Variants in ADAMTSL1 observed in about 807,000 individuals in gnomAD.
ADAMTSL1 encodes ADAMTS-like protein 1.
A neutral mutation model predicts 201.8 loss-of-function variants in ADAMTSL1; 126 were observed. The observed-to-expected ratio is 0.62, with a 90% confidence interval of 0.54 to 0.72. The LOEUF (loss-of-function observed/expected upper bound fraction) is 0.72, where lower values mean the gene tolerates loss of function less well. ADAMTSL1 is among the 30% of genes least tolerant of loss of function. The probability of loss-of-function intolerance (pLI) is 0.00; values close to 1 mark genes in which losing one functional copy is unlikely to be tolerated. For missense variants in ADAMTSL1, 2,679 were observed against 2,277.8 expected, an observed-to-expected ratio of 1.18 and a Z score of -3.59; for synonymous variants, 1,121 against 903.4, an observed-to-expected ratio of 1.24 and a Z score of -4.32.
rs745666705 is a variant in ADAMTSL1, at chr9:18,905,793, T to G, written c.4863T>G (p.Pro1621=). Residue 1621 remains proline (P), a synonymous_variant, in exon 27 of 29, where the codon CCT becomes CCG. Coordinates refer to ENST00000380548, the MANE Select transcript of ADAMTSL1 (RefSeq NM_001040272.6). ...AFSSWGQCNG[P]CIGPHLAVQH... is the part of the protein sequence containing the mutation. ...TTTCTGCTTTCCAGTGCAATGGGCC[T>G]TGCATCGGGCCTCACCTAGCTGTGC... is the stretch of plus-strand genomic sequence containing the variant. 22 of 1,613,036 alleles carry G rather than the reference T, an allele frequency of 1.4e-5. No homozygotes were observed. Among genetic ancestry groups the G allele is most frequent in the Non-Finnish European group, 1.9e-5 (22 of 1,179,590 alleles).
intron 1 of ADAMTSL1, among the ~76,000 whole-genome samples, chr9:17,977,280 A>AT (rs1290785490): frequency 2.0e-5 from 3 of 151,850 alleles, no homozygotes; most frequent in African/African-American, 7.3e-5. Context: ...TTGGCCTATG[A>AT]TTTTCTTTTC....
intron 3 of ADAMTSL1, among the ~76,000 whole-genome samples, chr9:18,558,123 T>C (rs574534880): frequency 6.6e-6 from 1 of 152,262 alleles, no homozygotes; most frequent in Admixed American, 6.5e-5. Flanking sequence ...ACCCATCATC[T>C]ACATTAGTTA....
intron 19 of ADAMTSL1, among the ~76,000 whole-genome samples, chr9:18,779,060 T>A (rs1415473186): frequency 6.6e-6 from 1 of 152,228 alleles, no homozygotes; most frequent in Non-Finnish European, 1.5e-5. Flanking sequence ...CTATGCCAAG[T>A]TTATTTATAA....
intron 2 of ADAMTSL1, among the ~76,000 whole-genome samples, chr9:18,417,367 G>GAAAAAAAAAAAAAAAAAAAAAAAAA (rs80226819): frequency 6.2e-5 from 4 of 64,676 alleles, no homozygotes; most frequent in Non-Finnish European, 9.5e-5. Flanking sequence ...AAGTAAGCAG[G>GAAAAAAAAAAAAAAAAAAAAAAAAA]AAAAAAAAAA....
chr9:18,781,485 A>G (rs569624838), intron 19 of ADAMTSL1, among the ~76,000 whole-genome samples: 15 of 152,230 alleles, frequency 9.9e-5, no homozygotes, highest in African/African-American at 3.1e-4. Flanking sequence ...AGTTTTCTCT[A>G]TCTTTCAAGT....
intron 1 of ADAMTSL1, among the ~76,000 whole-genome samples, chr9:17,963,379 A>T (rs1817837872): frequency 1.3e-5 from 2 of 152,168 alleles, no homozygotes; most frequent in Admixed American, 1.3e-4. Context: ...TTTTGAGGGG[A>T]AAGTTAGAGC....
At chr9:18,299,535 G>A (rs1285785275) in intron 2 of ADAMTSL1, among the ~76,000 whole-genome samples, 1 of 152,150 alleles carries the variant, frequency 6.6e-6, no homozygotes, top group Non-Finnish European at 1.5e-5. Context: ...AGATCTCAGG[G>A]AGAGAACACA....
At chr9:18,108,343 G>A (rs1180931454) in intron 1 of ADAMTSL1, among the ~76,000 whole-genome samples, 1 of 151,880 alleles carries the variant, frequency 6.6e-6, no homozygotes, top group Non-Finnish European at 1.5e-5. Context: ...GGGAGTACAG[G>A]CTTGTGCCAC....
intron 2 of ADAMTSL1, among the ~76,000 whole-genome samples, chr9:18,313,958 A>C (rs528413727): frequency 6.6e-6 from 1 of 152,194 alleles, no homozygotes; most frequent in Non-Finnish European, 1.5e-5. Context: ...TACAAAACAT[A>C]TAAGGAACTC....
chr9:18,183,705 C>G (rs901056812), intron 2 of ADAMTSL1, among the ~76,000 whole-genome samples: 1 of 152,060 alleles, frequency 6.6e-6, no homozygotes, highest in African/African-American at 2.4e-5. Context: ...AAAATCCAAA[C>G]GCTGACATCA....
At position 17,912,206 on chromosome 9, in the gene ADAMTSL1, T is replaced by C. The variant is rs1405469799; in HGVS notation, c.87+5284T>C. ...AGTCCTTTTGATATATACCCAGTAA[T>C]GGGATGGCTGGGTCAAATGATATTT... On this transcript the variant is annotated intron_variant, in intron 1 of 29. Coordinates refer to the ADAMTSL1 transcript ENST00000680146. Among the ~76,000 whole-genome samples the C allele has an allele frequency of 4.6e-5, 3 of 64,532 alleles. 1 individual carries two copies. The highest frequency in any genetic ancestry group is 9.2e-5 in the African/African-American group (3 of 32,450). The allele number at this position is 64,532 out of a possible 152,430, so 42.3% of individuals were successfully genotyped here. A position where few individuals can be genotyped will look rare whatever the true frequency, so the allele number is the denominator to read the frequency against.
intron 1 of ADAMTSL1, among the ~76,000 whole-genome samples, chr9:18,107,079 T>A (rs1354426453): frequency 6.6e-6 from 1 of 152,194 alleles, no homozygotes; most frequent in Non-Finnish European, 1.5e-5. Flanking sequence ...TTCCCTGCTG[T>A]CTTTTCTTAT....
chr9:18,292,200 C>A (rs1047749929), intron 2 of ADAMTSL1, among the ~76,000 whole-genome samples: 2 of 152,052 alleles, frequency 1.3e-5, no homozygotes, highest in African/African-American at 4.8e-5. Context: ...CCAAGGGAAG[C>A]TTCAGGTGAT....
At chr9:18,551,743 A>G (rs190825041) in intron 3 of ADAMTSL1, among the ~76,000 whole-genome samples, 1 of 151,906 alleles carries the variant, frequency 6.6e-6, no homozygotes, top group African/African-American at 2.4e-5. Context: ...ATGAACTGAT[A>G]TATGTAAACA....
intron 3 of ADAMTSL1, among the ~76,000 whole-genome samples, chr9:18,559,526 T>A (rs546201281): frequency 6.6e-6 from 1 of 152,336 alleles, no homozygotes; most frequent in South Asian, 2.1e-4. Context: ...TGAAGTAGTT[T>A]TTTTCTAATT....
intron 1 of ADAMTSL1, among the ~76,000 whole-genome samples, chr9:18,098,052 T>C (rs757015211): frequency 3.3e-5 from 5 of 152,082 alleles, no homozygotes; most frequent in Non-Finnish European, 7.4e-5. Flanking sequence ...CAGATTGATA[T>C]GCAGTTTTTA....
chr9:18,730,259 A>G (rs1818131521), intron 15 of ADAMTSL1, among the ~76,000 whole-genome samples: 1 of 152,370 alleles, frequency 6.6e-6, no homozygotes, highest in Non-Finnish European at 1.5e-5. Context: ...CTATATTACT[A>G]TGTTCCTTAA....
chr9:18,523,845 C>T (rs10810978), intron 2 of ADAMTSL1, among the ~76,000 whole-genome samples: 1 of 115,292 alleles, frequency 8.7e-6, no homozygotes, highest in African/African-American at 3.2e-5. Context: ...GTTACTGTAG[C>T]CTTGCAGTAT....
intron 4 of ADAMTSL1, among the ~76,000 whole-genome samples, chr9:18,604,545 T>G (rs1824882974): frequency 6.6e-6 from 1 of 152,236 alleles, no homozygotes; most frequent in African/African-American, 2.4e-5. Flanking sequence ...TTTATTTTAC[T>G]TAACCTAAGG....
Sources: allele counts gnomAD v4.1 joint callset (sites outside exome capture counted in the v4.1 genomes callset), GRCh38; gene constraint gnomAD v4.1.1; transcripts MANE v1.5; gene names NCBI Gene and HGNC (gene_info 2026-07-23, HGNC 2026-07-21).